Variants in TBC1D5 observed in about 807,000 individuals in gnomAD.
The protein encoded by TBC1D5 is TBC1 domain family, member 5.
Under a neutral mutation model 100.3 loss-of-function variants are expected in TBC1D5, and 75 were observed. The observed-to-expected ratio is 0.75, with a 90% CI of 0.62 to 0.91. The LOEUF (loss-of-function observed/expected upper bound fraction) is 0.91, where lower values mean the gene tolerates loss of function less well. Ranked by LOEUF, TBC1D5 falls within the 40% of genes least tolerant of loss-of-function variation. TBC1D5 has a pLI of 0.00. For missense variants in TBC1D5, 910 were observed against 942.4 expected, an observed-to-expected ratio of 0.97 and a Z score of 0.45; for synonymous variants, 323 against 325.6, an observed-to-expected ratio of 0.99 and a Z score of 0.09.
At chr3:17,556,348 GA>G (rs2096520852) in intron 2 of TBC1D5, among the ~76,000 whole-genome samples, 3 of 152,148 alleles carry the variant, frequency 2.0e-5, no homozygotes, top group Admixed American at 2.0e-4. Flanking sequence ...AAAAAAATAA[GA>G]AATTTCTATT....
At chr3:17,406,207 T>G (rs183689232) in intron 5 of TBC1D5, among the ~76,000 whole-genome samples, 1 of 152,106 alleles carries the variant, frequency 6.6e-6, no homozygotes, top group African/African-American at 2.4e-5. Flanking sequence ...TTTTTTTATA[T>G]GACTCTTTTA....
chr3:17,294,347 G>A (rs2082044613), intron 14 of TBC1D5, among the ~76,000 whole-genome samples: 1 of 152,160 alleles, frequency 6.6e-6, no homozygotes, highest in African/African-American at 2.4e-5. Flanking sequence ...AGCCTCTGGA[G>A]TAGCTATTAC....
chr3:17,558,378 A>G (rs1011689589), intron 2 of TBC1D5, among the ~76,000 whole-genome samples: 19 of 152,300 alleles, frequency 1.2e-4, no homozygotes, highest in African/African-American at 4.3e-4. Context: ...TCTAAAAAGC[A>G]TTTAGGAAAA....
At chr3:17,500,674 C>T (rs1433132484) in intron 3 of TBC1D5, among the ~76,000 whole-genome samples, 1 of 149,628 alleles carries the variant, frequency 6.7e-6, no homozygotes, top group Non-Finnish European at 1.5e-5. Context: ...ATATCTGTGG[C>T]TTCTATAATT....
At chr3:17,423,419 C>A (rs13327810) in intron 4 of TBC1D5, among the ~76,000 whole-genome samples, 59,792 of 151,910 alleles carry the variant, frequency 0.39, 12,412 homozygotes, top group Middle Eastern at 0.46. Context: ...TAAAAACATA[C>A]ACAGAAGTAT....
chr3:17,261,321 A>G (rs1002983894), intron 15 of TBC1D5, among the ~76,000 whole-genome samples: 1 of 152,264 alleles, frequency 6.6e-6, no homozygotes, highest in Non-Finnish European at 1.5e-5. Flanking sequence ...AAATACATAT[A>G]TAAATGTACA....
chr3:17,433,778 A>G (rs1378182040), intron 3 of TBC1D5, among the ~76,000 whole-genome samples: 1 of 152,190 alleles, frequency 6.6e-6, no homozygotes, highest in Non-Finnish European at 1.5e-5. Flanking sequence ...GAGAAAGGCA[A>G]GTCCCTTCCT....
At chr3:17,563,751 T>TTTG (rs201672399) in intron 2 of TBC1D5, among the ~76,000 whole-genome samples, 1 of 151,908 alleles carries the variant, frequency 6.6e-6, no homozygotes, top group African/African-American at 2.4e-5. Context: ...TTACTGGTGG[T>TTTG]TTGTTGTTGT....
intron 18 of TBC1D5, among the ~76,000 whole-genome samples, chr3:17,204,724 A>AT (rs562899484): frequency 0.015 from 2,201 of 150,594 alleles, 47 homozygotes; most frequent in African/African-American, 0.049. Flanking sequence ...GCCTTCTCAG[A>AT]TTTTTTTTTT....
intron 2 of TBC1D5, among the ~76,000 whole-genome samples, chr3:17,616,926 T>A (rs1204403153): frequency 1.3e-5 from 2 of 152,246 alleles, no homozygotes; most frequent in African/African-American, 4.8e-5. Context: ...TTTGATCCTG[T>A]CATTATGATG....
At chr3:17,200,384 C>T (rs2071311022) in intron 18 of TBC1D5, among the ~76,000 whole-genome samples, 1 of 152,228 alleles carries the variant, frequency 6.6e-6, no homozygotes, top group Admixed American at 6.5e-5. Context: ...GCATTACCAC[C>T]TGAGTCCCAC....
chr3:17,158,384 C>A (rs946268291), exon 22 of TBC1D5: 2 of 152,108 alleles, frequency 1.3e-5, no homozygotes, highest in African/African-American at 4.8e-5. Flanking sequence ...TACAATTAAA[C>A]ATAAGTATCT....
At chr3:17,529,187 G>A (rs1414540944) in intron 2 of TBC1D5, among the ~76,000 whole-genome samples, 1 of 150,292 alleles carries the variant, frequency 6.7e-6, no homozygotes, top group Non-Finnish European at 1.5e-5. Context: ...AAGCCCCTGT[G>A]TGGCCCTTTA....
At chr3:17,258,368 G>A (rs2077933735) in intron 16 of TBC1D5, 138 bp downstream of exon 16, 1 of 782,286 alleles carries the variant, frequency 1.3e-6, no homozygotes, top group Admixed American at 2.6e-5. Flanking sequence ...AAATAACTTG[G>A]GTAATTTATT....
At chr3:17,230,210 C>T (rs1406320444) in intron 17 of TBC1D5, among the ~76,000 whole-genome samples, 2 of 152,038 alleles carry the variant, frequency 1.3e-5, no homozygotes, top group Admixed American at 1.3e-4. Flanking sequence ...TTCTGTCCTA[C>T]TCTGGTTGAC....
chr3:17,297,348 G>A (rs910841649), intron 14 of TBC1D5, among the ~76,000 whole-genome samples: 3 of 152,160 alleles, frequency 2.0e-5, no homozygotes, highest in African/African-American at 4.8e-5. Context: ...AGGCCAAGGT[G>A]GGCGGATCAT....
chr3:17,540,834 G>C (rs1560118775), intron 2 of TBC1D5, among the ~76,000 whole-genome samples: 2 of 146,110 alleles, frequency 1.4e-5, no homozygotes, highest in Non-Finnish European at 3.0e-5. Flanking sequence ...TTGAACCCAG[G>C]AGGCAGAGGC....
At chr3:17,691,826 CA>C (rs1273079675) in intron 1 of TBC1D5, among the ~76,000 whole-genome samples, 170 of 58,460 alleles carry the variant, frequency 2.9e-3, no homozygotes, top group Middle Eastern at 0.024. Context: ...TCCGTCTCAA[CA>C]AAAAAAAAAA....
intron 2 of TBC1D5, among the ~76,000 whole-genome samples, chr3:17,543,202 C>T (rs1576611906): frequency 6.6e-6 from 1 of 152,196 alleles, no homozygotes; most frequent in East Asian, 1.9e-4. Context: ...GCTGTATGTG[C>T]CTCTACATGC....
Sources: gnomAD v4.1 joint callset for allele counts (sites outside exome capture counted in the v4.1 genomes callset) on GRCh38, gnomAD v4.1.1 for gene constraint, MANE v1.5 for transcripts, NCBI Gene and HGNC (gene_info 2026-07-23, HGNC 2026-07-21) for gene names.